The following SLC41A3 variants were observed in gnomAD, a reference collection of about 807,000 sequenced individuals.
SLC41A3 encodes solute carrier family 41 member 3.
Under a neutral mutation model 45.4 loss-of-function variants are expected in SLC41A3, and 44 were observed. The ratio of observed to expected loss-of-function variants is 0.97; its 90% CI spans 0.76 to 1.25. SLC41A3 has a LOEUF of 1.25. Ranked by LOEUF, SLC41A3 falls within the 50% of genes most tolerant of loss-of-function variation. The pLI, the probability that SLC41A3 is intolerant of heterozygous loss-of-function variation, is 0.00. For synonymous variants in SLC41A3, 256 were observed against 252.4 expected (o/e 1.01, Z -0.13); for missense variants, 550 against 600.6 (o/e 0.92, Z 0.88).
At chr3:126,072,523 T>C (rs1017291304) in intron 1 of SLC41A3, among the ~76,000 whole-genome samples, 2 of 152,074 alleles carry the variant, frequency 1.3e-5, no homozygotes, top group Non-Finnish European at 2.9e-5. Flanking sequence ...CAACCAAAAC[T>C]AAACATAACT....
chr3:126,098,667 C>G (rs1434935221), intron 1 of SLC41A3, among the ~76,000 whole-genome samples: 1 of 152,210 alleles, frequency 6.6e-6, no homozygotes, highest in Non-Finnish European at 1.5e-5. Context: ...CAGGCCTGGC[C>G]CTGCCCACAC....
At chr3:126,092,050 G>C (rs143153381) in intron 1 of SLC41A3, among the ~76,000 whole-genome samples, 10 of 152,196 alleles carry the variant, frequency 6.6e-5, no homozygotes, top group African/African-American at 9.7e-5. Flanking sequence ...CCATGAAAGA[G>C]ATCTGAGTTA....
intron 4 of SLC41A3, among the ~76,000 whole-genome samples, chr3:126,027,502 T>G (rs939933272): frequency 2.6e-5 from 4 of 152,180 alleles, no homozygotes; most frequent in African/African-American, 9.7e-5. Flanking sequence ...TTAAACCTCT[T>G]TTGTTTATAA....
chr3:126,038,895 T>C (rs575614096), intron 3 of SLC41A3, among the ~76,000 whole-genome samples: 1 of 152,110 alleles, frequency 6.6e-6, no homozygotes, highest in African/African-American at 2.4e-5. Context: ...GTTTGGGTCA[T>C]GGGGGTGGAT....
chr3:126,083,589 G>A (rs1945275217), intron 1 of SLC41A3, among the ~76,000 whole-genome samples: 2 of 152,106 alleles, frequency 1.3e-5, no homozygotes, highest in South Asian at 2.1e-4. Context: ...GCTGGCGGGA[G>A]GTCTGGCTGA....
rs74960021 is a variant in SLC41A3 at position 126,033,123 on chromosome 3, T to C, written c.453+484A>G. Reference sequence around the variant, plus strand: ...GAAGCAGCTAAGGGGTTAAGATGTCTCTTGCAGGCTGAGAAGGAGCAGGCA... The same window carrying C: ...GAAGCAGCTAAGGGGTTAAGATGTCCCTTGCAGGCTGAGAAGGAGCAGGCA... On this transcript the variant is annotated intron_variant, in intron 4 of 10. Coordinates refer to ENST00000360370, the MANE Select transcript of SLC41A3 (RefSeq NM_017836.4). 2.8e-4 allele frequency among the ~76,000 whole-genome samples: 42 copies of C among 152,244 alleles called. 1 individual carries two copies. In the East Asian group the frequency reaches 7.7e-3, roughly 28 times the overall value.
intron 3 of SLC41A3, among the ~76,000 whole-genome samples, chr3:126,050,445 T>C (rs1943254117): frequency 6.6e-6 from 1 of 152,150 alleles, no homozygotes; most frequent in Non-Finnish European, 1.5e-5. Context: ...AGGAACTGTG[T>C]TGGTTCAAGA....
At chr3:126,061,518 G>A (rs570187729) in intron 2 of SLC41A3, among the ~76,000 whole-genome samples, 12 of 152,290 alleles carry the variant, frequency 7.9e-5, no homozygotes, top group East Asian at 7.7e-4. Context: ...CTGTGTGAGC[G>A]GCATGAGGGC....
chr3:126,083,588 A>C (rs1026696004), intron 1 of SLC41A3, among the ~76,000 whole-genome samples: 1 of 151,886 alleles, frequency 6.6e-6, no homozygotes, highest in Non-Finnish European at 1.5e-5. Context: ...GGCTGGCGGG[A>C]GGTCTGGCTG....
At chr3:126,028,849 T>C (rs1405854080) in intron 4 of SLC41A3, among the ~76,000 whole-genome samples, 1 of 152,244 alleles carries the variant, frequency 6.6e-6, no homozygotes, top group Non-Finnish European at 1.5e-5. Context: ...GACATGGAGT[T>C]AAAGGAGATT....
At chr3:126,093,018 C>G (rs1012786435) in intron 1 of SLC41A3, among the ~76,000 whole-genome samples, 1 of 152,122 alleles carries the variant, frequency 6.6e-6, no homozygotes, top group Admixed American at 6.5e-5. Flanking sequence ...AGTGACTGTT[C>G]GAGCAGCACC....
At chr3:126,041,845 G>A (rs1049533879) in intron 3 of SLC41A3, among the ~76,000 whole-genome samples, 53 of 145,746 alleles carry the variant, frequency 3.6e-4, no homozygotes, top group Non-Finnish European at 7.6e-5. Context: ...AAATAGCTTT[G>A]AGGCAGCTCA....
chr3:126,008,699 C>G, intron 10 of SLC41A3, 33 bp downstream of exon 10: 1 of 1,610,262 alleles, frequency 6.2e-7, no homozygotes, highest in Non-Finnish European at 8.5e-7. Flanking sequence ...GACTACACAG[C>G]TGCGCACCTC....
chr3:126,042,568 C>A (rs1942664007), intron 3 of SLC41A3, among the ~76,000 whole-genome samples: 3 of 152,088 alleles, frequency 2.0e-5, no homozygotes, highest in Admixed American at 2.0e-4. Flanking sequence ...GACACTGACC[C>A]TAAAGAAAGT....
rs556518657 is a variant in SLC41A3, at chr3:126,096,792, C to A, written c.-79+4637G>T. Among the ~76,000 whole-genome samples the A allele has an allele frequency of 3.1e-3, 282 of 92,218 alleles. 1 individual carries two copies. The highest frequency in any genetic ancestry group is 8.2e-3 in the African/African-American group (270 of 32,842). 60.5% of individuals were successfully genotyped at this position (92,218 alleles called of 152,430 possible). A position where few individuals can be genotyped will look rare whatever the true frequency, so the allele number is the denominator to read the frequency against. On this transcript the variant is annotated intron_variant, in intron 1 of 9. Transcript: ENST00000508835. ...GCTTTCAGCTCTCAAGGCTGTGAGACCCCTGATTTCCCACTTCACACCTCT... is the reference window on the plus strand; with the variant it reads ...GCTTTCAGCTCTCAAGGCTGTGAGAACCCTGATTTCCCACTTCACACCTCT...
intron 1 of SLC41A3, among the ~76,000 whole-genome samples, chr3:126,069,703 C>A (rs1944527329): frequency 6.6e-6 from 1 of 151,870 alleles, no homozygotes; most frequent in South Asian, 2.1e-4. Flanking sequence ...ACTTAAGAAA[C>A]CGTACCGGAA....
chr3:126,024,082 C>A (rs1181888095), intron 5 of SLC41A3: 2 of 152,162 alleles, frequency 1.3e-5, no homozygotes, highest in Non-Finnish European at 2.9e-5. Flanking sequence ...TAAAGGAACA[C>A]CAGTGGTTTG....
intron 4 of SLC41A3, among the ~76,000 whole-genome samples, chr3:126,031,455 A>C (rs943228495): frequency 6.6e-6 from 1 of 152,174 alleles, no homozygotes; most frequent in Admixed American, 6.5e-5. Flanking sequence ...GGAAGTGGGC[A>C]GGGCTGGTGC....
At position 126,040,075 on chromosome 3, in the gene SLC41A3, G is replaced by A. The variant is rs777306080; in HGVS notation, c.382-6397C>T. Among the ~76,000 whole-genome samples, 66 of 152,208 alleles carry A rather than the reference G, an allele frequency of 4.3e-4. 1 individual carries two copies. Among genetic ancestry groups the A allele is most frequent in the Non-Finnish European group, 3.1e-4 (21 of 68,034 alleles). On this transcript the variant is annotated intron_variant, in intron 3 of 10. Coordinates refer to ENST00000360370, the MANE Select transcript of SLC41A3 (RefSeq NM_017836.4). ...GTATCTGACAGTGCCAAAAAGTAAG[G>A]GAGTGCCCAAGAGCGGGTGGGGCAT... is the stretch of plus-strand genomic sequence containing the variant.
Sources: gnomAD v4.1 joint callset for allele counts (sites outside exome capture counted in the v4.1 genomes callset) on GRCh38, gnomAD v4.1.1 for gene constraint, MANE v1.5 for transcripts, NCBI Gene and HGNC (gene_info 2026-07-23, HGNC 2026-07-21) for gene names.